The following SIPA1L3 variants were observed in gnomAD, a reference collection of about 807,000 sequenced individuals.
SIPA1L3 encodes the protein signal-induced proliferation-associated 1-like protein 3.
A neutral mutation model predicts 150.1 loss-of-function variants in SIPA1L3; 59 were observed. The observed-to-expected ratio is 0.39, with a 90% confidence interval of 0.32 to 0.49. The LOEUF is 0.49. Ranked by LOEUF, SIPA1L3 falls within the 20% of genes least tolerant of loss-of-function variation. The pLI is 0.86. For synonymous variants in SIPA1L3, 1,070 were observed against 1,077.6 expected, an observed-to-expected ratio of 0.99 and a Z score of 0.14; for missense variants, 2,211 against 2,489.5, an observed-to-expected ratio of 0.89 and a Z score of 2.38.
At chr19:38,171,124 A>C (rs1474439903) in intron 15 of SIPA1L3, among the ~76,000 whole-genome samples, 1 of 152,128 alleles carries the variant, frequency 6.6e-6, no homozygotes, top group African/African-American at 2.4e-5. Context: ...ACAAAAAAAC[A>C]GAAGGGAAAG....
intron 1 of SIPA1L3, among the ~76,000 whole-genome samples, chr19:37,962,671 G>A (rs909373740): frequency 6.6e-6 from 1 of 151,588 alleles, no homozygotes; most frequent in African/African-American, 2.4e-5. Context: ...ACATGCATAC[G>A]TGTAGGGATG....
chr19:38,142,216 A>G (rs1472149136), intron 11 of SIPA1L3, among the ~76,000 whole-genome samples: 3 of 152,204 alleles, frequency 2.0e-5, no homozygotes, highest in Non-Finnish European at 4.4e-5. Flanking sequence ...ATTAAAAGAT[A>G]AAAAGAAAAT....
chr19:37,958,169 C>T (rs1403590588), intron 1 of SIPA1L3, among the ~76,000 whole-genome samples: 1 of 152,068 alleles, frequency 6.6e-6, no homozygotes, highest in Non-Finnish European at 1.5e-5. Flanking sequence ...CATGGTGGCT[C>T]ATGCCTGCAA....
intron 2 of SIPA1L3, among the ~76,000 whole-genome samples, chr19:38,055,257 G>A (rs753053589): frequency 6.6e-6 from 1 of 152,208 alleles, no homozygotes; most frequent in Non-Finnish European, 1.5e-5. Context: ...GAAGAAAAGG[G>A]AGGGAGGGCA....
chr19:37,934,724 C>T (rs1420909484), intron 1 of SIPA1L3, among the ~76,000 whole-genome samples: 1 of 150,260 alleles, frequency 6.7e-6, no homozygotes, highest in Non-Finnish European at 1.5e-5. Flanking sequence ...CCCATGGTAA[C>T]AATCAAGGAC....
chr19:38,181,452 C>T (rs935574537), intron 15 of SIPA1L3, among the ~76,000 whole-genome samples: 24 of 151,514 alleles, frequency 1.6e-4, no homozygotes, highest in Non-Finnish European at 3.4e-4. Flanking sequence ...GGCAACATAG[C>T]GAGACCTTGT....
intron 18 of SIPA1L3, among the ~76,000 whole-genome samples, chr19:38,196,560 G>A (rs370556141): frequency 1.6e-4 from 19 of 119,942 alleles, no homozygotes; most frequent in East Asian, 5.6e-4. Flanking sequence ...AGGGCGGAGC[G>A]TGGAGGTCAA....
At chr19:38,037,156 T>A (rs1004292165) in intron 2 of SIPA1L3, among the ~76,000 whole-genome samples, 2 of 152,186 alleles carry the variant, frequency 1.3e-5, no homozygotes, top group African/African-American at 2.4e-5. Context: ...GGAAACAGAA[T>A]TGAAGTAATT....
rs1968630178 is a variant in SIPA1L3 at position 38,030,642 on chromosome 19, A to ATATATG, written c.-311+1491_-311+1492insGTATAT. Among the ~76,000 whole-genome samples, 10 of 75,326 alleles carry ATATATG rather than the reference A, an allele frequency of 1.3e-4. 1 individual carries two copies. The highest frequency in any genetic ancestry group is 3.9e-4 in the African/African-American group (10 of 25,436). The allele number at this position is 75,326 out of a possible 152,430, so 49.4% of individuals were successfully genotyped here. A position where few individuals can be genotyped will look rare whatever the true frequency, so the allele number is the denominator to read the frequency against. On this transcript the variant is annotated intron_variant, in intron 2 of 21. Transcript: ENST00000222345. ...GTGGCAAATATATATATATATATAT[A>ATATATG]TATATATATGGCAAATACTTACCTG... is the stretch of plus-strand genomic sequence containing the variant.
At chr19:38,004,037 T>C (rs1215537850) in intron 1 of SIPA1L3, among the ~76,000 whole-genome samples, 3 of 152,152 alleles carry the variant, frequency 2.0e-5, no homozygotes, top group African/African-American at 7.2e-5. Flanking sequence ...ATGTGGCTGA[T>C]TGCTCACTGG....
chr19:38,029,965 C>T (rs550423750), intron 2 of SIPA1L3, among the ~76,000 whole-genome samples: 17 of 152,050 alleles, frequency 1.1e-4, no homozygotes, highest in South Asian at 6.2e-4. Context: ...AGTGATTCTC[C>T]GGCCTCAGCC....
At chr19:38,057,189 T>G (rs1969336009) in intron 2 of SIPA1L3, among the ~76,000 whole-genome samples, 1 of 151,942 alleles carries the variant, frequency 6.6e-6, no homozygotes, top group Non-Finnish European at 1.5e-5. Context: ...GAGAATTGCT[T>G]GAACCCAGGA....
chr19:38,131,636 T>G (rs1432720417), intron 10 of SIPA1L3: 1 of 162,914 alleles, frequency 6.1e-6, no homozygotes, highest in Non-Finnish European at 1.3e-5. Context: ...TTGTTGTTTT[T>G]GTTTTTTGTT....
chr19:37,956,553 G>A (rs2046813591), intron 1 of SIPA1L3, among the ~76,000 whole-genome samples: 2 of 137,452 alleles, frequency 1.5e-5, no homozygotes, highest in African/African-American at 2.8e-5. Flanking sequence ...GCACAATCTC[G>A]GCTCACTGCA....
chr19:38,124,884 C>G (rs955934453), intron 9 of SIPA1L3, among the ~76,000 whole-genome samples: 3 of 152,124 alleles, frequency 2.0e-5, no homozygotes, highest in Non-Finnish European at 4.4e-5. Context: ...CGCCTGCAAT[C>G]GCAGGCACTC....
intron 1 of SIPA1L3, among the ~76,000 whole-genome samples, chr19:37,914,702 C>T (rs2046402372): frequency 6.6e-6 from 1 of 152,024 alleles, no homozygotes; most frequent in Admixed American, 6.6e-5. Context: ...TTTGTAGAGA[C>T]CTGTTTTGCC....
At chr19:38,150,249 G>T (rs769901322) in intron 12 of SIPA1L3, among the ~76,000 whole-genome samples, 1 of 152,222 alleles carries the variant, frequency 6.6e-6, no homozygotes, top group Non-Finnish European at 1.5e-5. Flanking sequence ...AGGATGGTGT[G>T]TTTTTTCCTG....
chr19:38,051,064 G>C (rs1051172931), intron 2 of SIPA1L3, among the ~76,000 whole-genome samples: 1 of 152,102 alleles, frequency 6.6e-6, no homozygotes, highest in African/African-American at 2.4e-5. Context: ...GTCTTAAAAA[G>C]AAAAGAAAAT....
chr19:38,130,484 C>T lies in SIPA1L3; in HGVS notation c.2869-14C>T. On this transcript the variant is annotated splice_polypyrimidine_tract_variant and intron_variant, in intron 9 of 21. Transcript: ENST00000222345. ...AAGCAGCTTCTGAGGCTCGATCCTGCCTGTGGCCTGCAGGTGATGACCAGT... is the reference window on the plus strand; with the variant it reads ...AAGCAGCTTCTGAGGCTCGATCCTGTCTGTGGCCTGCAGGTGATGACCAGT... 6.2e-7 allele frequency: 1 copy of T among 1,603,834 alleles called. No homozygotes were observed. The highest frequency in any genetic ancestry group is 8.5e-7 in the Non-Finnish European group (1 of 1,174,520).
Sources: allele counts gnomAD v4.1 joint callset (sites outside exome capture counted in the v4.1 genomes callset), GRCh38; gene constraint gnomAD v4.1.1; transcripts MANE v1.5; gene names NCBI Gene and HGNC (gene_info 2026-07-23, HGNC 2026-07-21).